Variants in CNTNAP2 observed in about 807,000 individuals in gnomAD.
CNTNAP2 encodes contactin associated protein 2.
CNTNAP2 carries 98 observed loss-of-function variants against 155.2 expected under a neutral mutation model. That is an observed-to-expected ratio of 0.63 (90% CI 0.54 to 0.75). The LOEUF is 0.75. Ranked by LOEUF, CNTNAP2 falls within the 30% of genes least tolerant of loss-of-function variation. The pLI is 0.00. For synonymous variants in CNTNAP2, 651 were observed against 631.2 expected, an observed-to-expected ratio of 1.03 and a Z score of -0.47; for missense variants, 1,727 against 1,688.1, an observed-to-expected ratio of 1.02 and a Z score of -0.40.
At chr7:148,168,152 G>A (rs1805706355) in intron 17 of CNTNAP2, among the ~76,000 whole-genome samples, 1 of 151,882 alleles carries the variant, frequency 6.6e-6, no homozygotes, top group South Asian at 2.1e-4. Context: ...AAGTCAGTGT[G>A]GCGATTCCTC....
chr7:146,980,076 G>A (rs142293694), intron 3 of CNTNAP2, among the ~76,000 whole-genome samples: 91 of 152,166 alleles, frequency 6.0e-4, no homozygotes, highest in Middle Eastern at 3.4e-3. Flanking sequence ...AGTCATTGAC[G>A]TTGTCCAGGA....
chr7:146,274,420 G>C (rs1228748578), intron 1 of CNTNAP2, among the ~76,000 whole-genome samples: 1 of 152,172 alleles, frequency 6.6e-6, no homozygotes, highest in African/African-American at 2.4e-5. Flanking sequence ...TACAGCCCCA[G>C]ACTAAAAGGA....
chr7:147,839,596 G>A (rs1377668956), intron 13 of CNTNAP2, among the ~76,000 whole-genome samples: 1 of 152,006 alleles, frequency 6.6e-6, no homozygotes, highest in African/African-American at 2.4e-5. Flanking sequence ...TGTTGTCAGG[G>A]GCTGTCCTGT....
intron 21 of CNTNAP2, among the ~76,000 whole-genome samples, chr7:148,319,672 C>T (rs1044283212): frequency 1.3e-5 from 2 of 151,752 alleles, no homozygotes; most frequent in African/African-American, 2.4e-5. Flanking sequence ...AGCACAAACC[C>T]GATTGTGTAC....
chr7:147,873,846 G>A (rs1383443228), intron 13 of CNTNAP2, among the ~76,000 whole-genome samples: 2 of 152,200 alleles, frequency 1.3e-5, no homozygotes, highest in Non-Finnish European at 2.9e-5. Context: ...GATTCAAGGA[G>A]GGTATAGGCA....
chr7:147,271,800 T>C (rs1315641576), intron 8 of CNTNAP2, among the ~76,000 whole-genome samples: 1 of 152,190 alleles, frequency 6.6e-6, no homozygotes, highest in Non-Finnish European at 1.5e-5. Flanking sequence ...ACTTGGAATT[T>C]TGGGAGCTAC....
At chr7:147,765,033 TCTA>T (rs1312013064) in intron 13 of CNTNAP2, among the ~76,000 whole-genome samples, 2 of 152,210 alleles carry the variant, frequency 1.3e-5, no homozygotes, top group African/African-American at 4.8e-5. Flanking sequence ...GCTTGTAAAG[TCTA>T]CTCATTTGTA....
At chr7:146,657,962 C>T (rs534864527) in intron 1 of CNTNAP2, among the ~76,000 whole-genome samples, 1 of 151,758 alleles carries the variant, frequency 6.6e-6, no homozygotes, top group South Asian at 2.1e-4. Flanking sequence ...AAATTTCAGC[C>T]TGTAAAACAT....
rs149535440 is a variant in CNTNAP2 at position 148,028,957 on chromosome 7, C to A, written c.2383+50968C>A. ...TAGTATGACAATTGGGAGAAAATTA[C>A]GTTTTTGTTTTCATATGTCTCCAAA... is the stretch of plus-strand genomic sequence containing the variant. On this transcript the variant is annotated intron_variant, in intron 15 of 23. Transcript: ENST00000361727. Among the ~76,000 whole-genome samples, 614 of 152,178 alleles carry A rather than the reference C, an allele frequency of 4.0e-3. 4 individuals carry two copies. Among genetic ancestry groups the A allele is most frequent in the African/African-American group, 0.014 (582 of 41,514 alleles).
chr7:147,281,440 G>C (rs1043956563), intron 8 of CNTNAP2, among the ~76,000 whole-genome samples: 1 of 151,734 alleles, frequency 6.6e-6, no homozygotes, highest in African/African-American at 2.4e-5. Context: ...ATATTGTCTA[G>C]GGTATTGTCT....
chr7:146,426,730 C>T (rs934661865), intron 1 of CNTNAP2, among the ~76,000 whole-genome samples: 14 of 150,658 alleles, frequency 9.3e-5, no homozygotes, highest in African/African-American at 2.2e-4. Flanking sequence ...GTTGTTCAAA[C>T]GACACAAAAT....
chr7:146,165,932 G>C (rs941808216), intron 1 of CNTNAP2, among the ~76,000 whole-genome samples: 1 of 152,094 alleles, frequency 6.6e-6, no homozygotes, highest in African/African-American at 2.4e-5. Flanking sequence ...GTAATCACTT[G>C]TGTGTATTTG....
chr7:147,159,845 A>G (rs1801993143), intron 8 of CNTNAP2, among the ~76,000 whole-genome samples: 1 of 152,158 alleles, frequency 6.6e-6, no homozygotes, highest in South Asian at 2.1e-4. Context: ...AAACTGATAA[A>G]TCTTCAAATA....
chr7:148,182,423 T>C (rs1414211884), intron 18 of CNTNAP2, among the ~76,000 whole-genome samples: 3 of 149,008 alleles, frequency 2.0e-5, no homozygotes, highest in African/African-American at 7.3e-5. Flanking sequence ...CTATGGGCCA[T>C]GAAGACCTGC....
intron 13 of CNTNAP2, among the ~76,000 whole-genome samples, chr7:147,872,381 A>C (rs1403535342): frequency 1.3e-5 from 2 of 152,212 alleles, no homozygotes; most frequent in Admixed American, 1.3e-4. Context: ...TAGGAGAGTA[A>C]ATATTATTTA....
At chr7:147,225,960 AAAGG>A (rs1803530894) in intron 8 of CNTNAP2, among the ~76,000 whole-genome samples, 3 of 151,822 alleles carry the variant, frequency 2.0e-5, no homozygotes, top group East Asian at 3.9e-4. Context: ...AGAAAGAGAG[AAAGG>A]AAGAAAGAGA....
At chr7:146,863,808 T>C (rs1304033955) in intron 3 of CNTNAP2, among the ~76,000 whole-genome samples, 4 of 152,122 alleles carry the variant, frequency 2.6e-5, no homozygotes, top group East Asian at 1.9e-4. Context: ...AATGGAATTA[T>C]GGACAAAAAG....
chr7:147,591,515 G>T (rs139645273), intron 12 of CNTNAP2, among the ~76,000 whole-genome samples: 219 of 152,168 alleles, frequency 1.4e-3, no homozygotes, highest in African/African-American at 4.9e-3. Flanking sequence ...TATAAATTTT[G>T]AGAGGACACA....
At position 148,108,642 on chromosome 7, in the gene CNTNAP2, AAAC is replaced by A. The variant is rs565817378; in HGVS notation, c.2384-9471_2384-9469del. Among the ~76,000 whole-genome samples, 31 of 117,042 alleles carry A rather than the reference AAAC, an allele frequency of 2.6e-4. No individual in the cohort carries two copies. The South Asian group carries it at 7.2e-3, about 27-fold the overall frequency. 76.8% of individuals were successfully genotyped at this position (117,042 alleles called of 152,430 possible). On this transcript the variant is annotated intron_variant, in intron 15 of 23. Coordinates refer to ENST00000361727, the MANE Select transcript of CNTNAP2 (RefSeq NM_014141.6). ...AGCTCTCATGCATGAGTGGAATCTA[AAAC>A]AACAGACTCAGAGAAGCAGAGAGGA...
Sources: allele counts gnomAD v4.1 joint callset (sites outside exome capture counted in the v4.1 genomes callset), GRCh38; gene constraint gnomAD v4.1.1; transcripts MANE v1.5; gene names NCBI Gene and HGNC (gene_info 2026-07-23, HGNC 2026-07-21).